Variants in KNL1 observed in about 807,000 individuals in gnomAD.
KNL1 encodes the protein outer kinetochore KNL1 complex subunit KNL1.
In KNL1, 66 loss-of-function variants were observed where a neutral mutation model predicts 201.3. The ratio of observed to expected loss-of-function variants is 0.33; its 90% confidence interval spans 0.27 to 0.40. The LOEUF (loss-of-function observed/expected upper bound fraction) is 0.40, where lower values mean the gene tolerates loss of function less well. KNL1 is among the 10% of genes least tolerant of loss of function. The probability of loss-of-function intolerance (pLI) is 1.00; values close to 1 mark genes in which losing one functional copy is unlikely to be tolerated. For missense variants in KNL1, 2,815 were observed against 2,690.5 expected (o/e 1.05, Z -1.02); for synonymous variants, 895 against 899.2 (o/e 1.00, Z 0.08).
At chr15:40,613,701 G>C (rs1392492189) in intron 7 of KNL1, among the ~76,000 whole-genome samples, 1 of 152,020 alleles carries the variant, frequency 6.6e-6, no homozygotes, top group African/African-American at 2.4e-5. Flanking sequence ...CAGCCTCCTG[G>C]GTTCAAGCAA....
chr15:40,623,396 C>T lies in KNL1; in HGVS notation c.3132C>T (p.Asn1044=). 1.2e-6 allele frequency: 2 copies of T among 1,613,944 alleles called. No individual in the cohort carries two copies. The highest frequency in any genetic ancestry group is 2.7e-5 in the African/African-American group (2 of 75,018). ...TGTCTAAATCAGCCACTTGCAAAAA[C>T]ATCAAAGATGTACAAAGTCCTGGAT... ...MELSKSATCK[N]IKDVQSPGFL... Residue 1044 remains asparagine, a synonymous_variant, in exon 10 of 26, where the codon AAC becomes AAT. Transcript: ENST00000399668.
chr15:40,608,972 T>C (rs907945305), intron 5 of KNL1, 64 bp downstream of exon 5: 7 of 1,048,056 alleles, frequency 6.7e-6, no homozygotes, highest in Non-Finnish European at 1.0e-5. Flanking sequence ...TCAAACCAAA[T>C]GTATTGGTAC....
chr15:40,638,251 G>A (rs1893116953), intron 13 of KNL1, among the ~76,000 whole-genome samples: 1 of 106,884 alleles, frequency 9.4e-6, no homozygotes, highest in Admixed American at 1.0e-4. Flanking sequence ...GGGGAAGGGA[G>A]GGGGGAGGGG....
Position 40,622,470 on chromosome 15 carries a change from C to T in KNL1, c.2206C>T (p.Leu736=). The change falls in exon 10 of 26, where the codon CTG becomes TTG. Residue 736 remains leucine (L), a synonymous_variant. Transcript: ENST00000399668. ...LGQNSKLAEP[L]RKSLSNPTPD... ...CCAGAATTCTAAACTGGCTGAGCCA[C>T]TGAGGAAAAGTTTAAGCAATCCCAC... The T allele has an allele frequency of 6.2e-7, 1 of 1,613,946 alleles. No homozygotes were observed. Among genetic ancestry groups the T allele is most frequent in the East Asian group, 2.2e-5 (1 of 44,870 alleles).
intron 6 of KNL1, chr15:40,610,714 G>A (rs989041070): frequency 2.2e-6 from 1 of 456,060 alleles, no homozygotes; most frequent in Non-Finnish European, 4.4e-6. Context: ...TATACCTTGA[G>A]TCTTGGGAGT....
In KNL1 at chr15:40,625,386, T is replaced by C. The variant is rs201614533; in HGVS notation, c.5122T>C (p.Ser1708Pro). The C allele has an allele frequency of 7.1e-5, 115 of 1,613,846 alleles. No individual in the cohort carries two copies. The highest frequency in any genetic ancestry group is 9.7e-5 in the Non-Finnish European group (114 of 1,179,954). ...SVAGKLNLSP[S>P]QYINEENLPV... ...TGCAGGTAAACTGAACCTAAGTCCT[T>C]CTCAATATATAAATGAGGAAAATCT... Residue 1708 changes from serine to proline, a missense_variant, in exon 10 of 26, where the codon TCT (serine) becomes CCT (proline). Ser to Pro is a moderately conservative substitution (Grantham distance 74, BLOSUM62 -1). Coordinates refer to ENST00000399668, the MANE Select transcript of KNL1 (RefSeq NM_144508.5).
intron 24 of KNL1, among the ~76,000 whole-genome samples, chr15:40,658,805 C>T (rs1893816612): frequency 6.6e-6 from 1 of 151,118 alleles, no homozygotes; most frequent in South Asian, 2.1e-4. Flanking sequence ...TGGCACACAC[C>T]TGTAGTCCCA....
chr15:40,628,800 AT>A, intron 12 of KNL1, 122 bp downstream of exon 12: 1 of 549,694 alleles, frequency 1.8e-6, no homozygotes, highest in East Asian at 3.0e-5. Flanking sequence ...TATTTCAAAT[AT>A]ACAGAAGACT....
intron 2 of KNL1, among the ~76,000 whole-genome samples, chr15:40,603,756 G>A (rs1300725517): frequency 6.6e-6 from 1 of 152,242 alleles, no homozygotes; most frequent in Admixed American, 6.5e-5. Context: ...CACTGGTATA[G>A]CTCCTTGCAG....
At chr15:40,615,239 T>G in intron 7 of KNL1, 102 bp from the exon 8 acceptor site, 1 of 385,904 alleles carries the variant, frequency 2.6e-6, no homozygotes. Flanking sequence ...CTGCTAGTCA[T>G]TCTATGAAAG....
At position 40,620,549 on chromosome 15, in the gene KNL1, C is replaced by G. The variant is rs1892483766; in HGVS notation, c.376-91C>G. 1.7e-5 allele frequency: 12 copies of G among 707,928 alleles called. No homozygotes were observed. In the East Asian group the frequency reaches 3.0e-4, roughly 18 times the overall value. 43.9% of individuals were successfully genotyped at this position (707,928 alleles called of 1,614,324 possible). ...GCAAACCAACGTGTTATGAAACCAT[C>G]ACTGAGGATTTTTTATATAATACAT... On this transcript the variant is annotated intron_variant, in intron 9 of 25. Coordinates refer to ENST00000399668, the MANE Select transcript of KNL1 (RefSeq NM_144508.5).
At chr15:40,613,196 C>T (rs190758880) in intron 7 of KNL1, among the ~76,000 whole-genome samples, 3 of 152,086 alleles carry the variant, frequency 2.0e-5, no homozygotes, top group African/African-American at 7.2e-5. Flanking sequence ...AAAAGCAAGA[C>T]GCAAAACAAA....
chr15:40,596,227 A>T (rs1002723073), intron 1 of KNL1, among the ~76,000 whole-genome samples: 4 of 152,200 alleles, frequency 2.6e-5, no homozygotes, highest in African/African-American at 9.7e-5. Flanking sequence ...GTAGCCATTT[A>T]AAAAAATACA....
At chr15:40,611,265 C>T (rs1892150940) in intron 6 of KNL1, among the ~76,000 whole-genome samples, 1 of 151,916 alleles carries the variant, frequency 6.6e-6, no homozygotes, top group Admixed American at 6.6e-5. Context: ...CACGCCACCA[C>T]ACCTGGCTAA....
intron 13 of KNL1, among the ~76,000 whole-genome samples, chr15:40,640,098 CT>C (rs544723388): frequency 0.015 from 1,887 of 124,424 alleles, 16 homozygotes; most frequent in African/African-American, 0.04. Flanking sequence ...TTTTTCTTTT[CT>C]TTTTTTTTTT....
intron 2 of KNL1, among the ~76,000 whole-genome samples, chr15:40,603,718 A>G (rs1250654408): frequency 6.6e-6 from 1 of 152,240 alleles, no homozygotes; most frequent in Non-Finnish European, 1.5e-5. Flanking sequence ...CAGCACTTTT[A>G]TTGAAGTGGC....
chr15:40,611,672 G>A (rs1892167252), intron 7 of KNL1, among the ~76,000 whole-genome samples, 161 bp downstream of exon 7: 1 of 151,600 alleles, frequency 6.6e-6, no homozygotes, highest in African/African-American at 2.4e-5. Flanking sequence ...CCATTGTACT[G>A]TTTATAGTTT....
rs1424799475 is a variant in KNL1 at position 40,619,014 on chromosome 15, A to G, written c.375+3A>G. 1 of 1,576,392 alleles carries G rather than the reference A, an allele frequency of 6.3e-7. No homozygotes were observed. Among genetic ancestry groups the G allele is most frequent in the Non-Finnish European group, 8.7e-7 (1 of 1,146,692 alleles). On this transcript the variant is annotated splice_donor_region_variant and intron_variant, in intron 9 of 25. Coordinates refer to ENST00000399668, the MANE Select transcript of KNL1 (RefSeq NM_144508.5). ...ATACCCAGATGCAACAGAAGGAGGT[A>G]TGAGTTCATGCAAATACCTTCATAT... is the stretch of plus-strand genomic sequence containing the variant.
chr15:40,659,501 C>CTT, intron 25 of KNL1, 40 bp downstream of exon 25: 8 of 1,538,768 alleles, frequency 5.2e-6, no homozygotes, highest in Non-Finnish European at 6.2e-6. Flanking sequence ...TGGGCTACTT[C>CTT]TTTTTTTTTG....
Sources: allele counts gnomAD v4.1 joint callset (sites outside exome capture counted in the v4.1 genomes callset), GRCh38; gene constraint gnomAD v4.1.1; transcripts MANE v1.5; gene names NCBI Gene and HGNC (gene_info 2026-07-23, HGNC 2026-07-21).